The following EXOSC7 variants were observed in gnomAD, a reference collection of about 807,000 sequenced individuals.
The protein encoded by EXOSC7 is exosome complex component RRP42.
A neutral mutation model predicts 34.3 loss-of-function variants in EXOSC7; 25 were observed. That is an observed-to-expected ratio of 0.73 (90% CI 0.53 to 1.02). EXOSC7 has a LOEUF of 1.02. Among genes scored for constraint, EXOSC7 ranks in the 50% least tolerant of loss-of-function variants. EXOSC7 has a pLI of 0.00. For missense variants in EXOSC7, 370 were observed against 368.5 expected (o/e 1.00, Z -0.03); for synonymous variants, 130 against 143.0 (o/e 0.91, Z 0.65).
intron 1 of EXOSC7, among the ~76,000 whole-genome samples, chr3:44,976,780 G>A (rs990485428): frequency 6.6e-6 from 1 of 152,174 alleles, no homozygotes; most frequent in Non-Finnish European, 1.5e-5. Context: ...ACAAATTGCC[G>A]TACAAATAAA....
intron 7 of EXOSC7, among the ~76,000 whole-genome samples, chr3:45,010,911 T>C (rs552059736): frequency 1.3e-5 from 2 of 152,362 alleles, no homozygotes; most frequent in South Asian, 2.1e-4. Context: ...TTGACAACTT[T>C]GTTGCTTGTT....
At chr3:44,998,774 C>G (rs1706796112) in intron 4 of EXOSC7, among the ~76,000 whole-genome samples, 2 of 152,110 alleles carry the variant, frequency 1.3e-5, no homozygotes, top group African/African-American at 4.8e-5. Context: ...TTTTCCATCT[C>G]TGATAAGTGG....
intron 1 of EXOSC7, among the ~76,000 whole-genome samples, chr3:44,980,130 AT>A (rs1214345560): frequency 6.6e-6 from 1 of 151,948 alleles, no homozygotes; most frequent in Non-Finnish European, 1.5e-5. Context: ...TGCAGGCACT[AT>A]CAGAAATGTG....
chr3:44,984,535 G>A (rs563005774), intron 1 of EXOSC7, among the ~76,000 whole-genome samples: 1 of 152,088 alleles, frequency 6.6e-6, no homozygotes, highest in Non-Finnish European at 1.5e-5. Context: ...AGTTCATCCT[G>A]TGAAGGAGGT....
intron 7 of EXOSC7, among the ~76,000 whole-genome samples, chr3:45,009,332 G>C (rs1028216641): frequency 2.4e-4 from 36 of 152,122 alleles, no homozygotes; most frequent in Admixed American, 2.4e-3. Context: ...GAGAGCCTTG[G>C]GGGTAGTTGT....
chr3:44,978,900 T>C (rs1706197049), intron 1 of EXOSC7, among the ~76,000 whole-genome samples: 1 of 152,212 alleles, frequency 6.6e-6, no homozygotes, highest in Non-Finnish European at 1.5e-5. Context: ...AGCCAGTGTC[T>C]AGCACTTGGT....
At chr3:45,012,439 T>TTAATGGGGGAGC (rs1305339661), downstream of EXOSC7, 1 of 152,258 alleles carries the variant, frequency 6.6e-6, no homozygotes, top group East Asian at 1.9e-4. Flanking sequence ...AGACTTGGGC[T>TTAATGGGGGAGC]TAATGGGGGA....
At chr3:45,010,434 A>T (rs576934731) in intron 7 of EXOSC7, among the ~76,000 whole-genome samples, 2 of 151,982 alleles carry the variant, frequency 1.3e-5, no homozygotes, top group Non-Finnish European at 2.9e-5. Context: ...TTTTGTAGAG[A>T]TGGGGTTTCA....
At chr3:44,994,184 A>G (rs1251934433) in intron 3 of EXOSC7, among the ~76,000 whole-genome samples, 1 of 151,730 alleles carries the variant, frequency 6.6e-6, no homozygotes, top group Non-Finnish European at 1.5e-5. Flanking sequence ...GGTTGTTGTG[A>G]ACATTAAATG....
At chr3:44,981,733 C>T (rs1033596249) in intron 1 of EXOSC7, among the ~76,000 whole-genome samples, 5 of 151,828 alleles carry the variant, frequency 3.3e-5, no homozygotes, top group Admixed American at 6.6e-5. Flanking sequence ...GTCTGGGCAA[C>T]ATAGCAACAC....
chr3:44,984,833 G>A (rs1304872882), intron 1 of EXOSC7, among the ~76,000 whole-genome samples: 1 of 152,148 alleles, frequency 6.6e-6, no homozygotes, highest in East Asian at 1.9e-4. Flanking sequence ...ATTATTTATT[G>A]CAAATAATTA....
At chr3:44,979,028 C>T (rs1394059446) in intron 1 of EXOSC7, among the ~76,000 whole-genome samples, 1 of 152,156 alleles carries the variant, frequency 6.6e-6, no homozygotes, top group African/African-American at 2.4e-5. Flanking sequence ...TATTTGGGCA[C>T]AGTTGTTGGT....
At chr3:45,011,650 G>A (rs778704310), downstream of EXOSC7, among the ~76,000 whole-genome samples, 2 of 152,182 alleles carry the variant, frequency 1.3e-5, no homozygotes, top group African/African-American at 2.4e-5. Flanking sequence ...CTTATGATAT[G>A]TATTTTGTGA....
rs182328510 is a variant in EXOSC7 at position 44,996,512 on chromosome 3, C to T, written c.255-575C>T. 4.8e-3 allele frequency among the ~76,000 whole-genome samples: 734 copies of T among 152,330 alleles called. 4 individuals carry two copies. Among genetic ancestry groups the T allele is most frequent in the Non-Finnish European group, 7.8e-3 (529 of 68,026 alleles). On this transcript the variant is annotated intron_variant, in intron 3 of 7. Transcript: ENST00000265564. ...CCTTGCTTTCTTTCATTTTCCTTCTCTTCAGTACAGTGATATCTAAAGTTT... is the reference window on the plus strand; with the variant it reads ...CCTTGCTTTCTTTCATTTTCCTTCTTTTCAGTACAGTGATATCTAAAGTTT...
chr3:44,976,651 T>TC (rs2125956568), intron 1 of EXOSC7, among the ~76,000 whole-genome samples: 1 of 152,300 alleles, frequency 6.6e-6, no homozygotes, highest in South Asian at 2.1e-4. Context: ...CGCGCACAGA[T>TC]CTTGTCCGAG....
At chr3:44,996,869 C>T (rs1272140372) in intron 3 of EXOSC7, among the ~76,000 whole-genome samples, 1 of 152,202 alleles carries the variant, frequency 6.6e-6, no homozygotes, top group Non-Finnish European at 1.5e-5. Context: ...AATCCCATCA[C>T]ACACACTGAC....
At chr3:44,992,352 G>C (rs1706597286) in intron 3 of EXOSC7, among the ~76,000 whole-genome samples, 1 of 152,210 alleles carries the variant, frequency 6.6e-6, no homozygotes, top group African/African-American at 2.4e-5. Context: ...GCAACTTCCA[G>C]TTTTAATTAA....
rs1707006417 is a variant in EXOSC7 at position 45,005,397 on chromosome 3, A to G, written c.598A>G (p.Ile200Val). 3 of 1,613,998 alleles carry G rather than the reference A, an allele frequency of 1.9e-6. No homozygotes were observed. The highest frequency in any genetic ancestry group is 2.5e-6 in the Non-Finnish European group (3 of 1,180,016). The part of the protein sequence containing the change: ...IRLSVENVPC[I>V]VTLCKIGYRH... ...ACTAAGTGTGGAGAATGTCCCCTGC[A>G]TTGTCACTCTGTGCAAGGTATAACT... Residue 200 changes from isoleucine to valine, a missense_variant, in exon 6 of 8, where the codon ATT (isoleucine) becomes GTT (valine). Physicochemically the swap from Ile to Val is conservative, Grantham distance 29 (BLOSUM62 3). Coordinates refer to ENST00000265564, the MANE Select transcript of EXOSC7 (RefSeq NM_015004.4).
chr3:44,992,536 G>T (rs1442137630), intron 3 of EXOSC7, among the ~76,000 whole-genome samples: 1 of 152,178 alleles, frequency 6.6e-6, no homozygotes, highest in African/African-American at 2.4e-5. Context: ...AGCCCTCACA[G>T]CCCTTTGGAA....
Sources: gnomAD v4.1 joint callset for allele counts (sites outside exome capture counted in the v4.1 genomes callset) on GRCh38, gnomAD v4.1.1 for gene constraint, MANE v1.5 for transcripts, NCBI Gene and HGNC (gene_info 2026-07-23, HGNC 2026-07-21) for gene names.